MTMR3: variants seen among roughly 807,000 people sequenced by gnomAD.
MTMR3 encodes the protein myotubularin related protein 3.
In MTMR3, 32 loss-of-function variants were observed where a neutral mutation model predicts 132.4. The observed-to-expected ratio is 0.24, with a 90% CI of 0.18 to 0.32. MTMR3 has a LOEUF of 0.32. Ranked by LOEUF, MTMR3 falls within the 10% of genes least tolerant of loss-of-function variation. MTMR3 has a pLI of 1.00. For missense variants in MTMR3, 1,216 were observed against 1,489.6 expected (o/e 0.82, Z 3.02); for synonymous variants, 556 against 550.3 (o/e 1.01, Z -0.14).
At chr22:29,890,190 G>A (rs2064768443) in intron 1 of MTMR3, among the ~76,000 whole-genome samples, 1 of 151,836 alleles carries the variant, frequency 6.6e-6, no homozygotes, top group South Asian at 2.1e-4. Flanking sequence ...ACAGGCCTGA[G>A]CCACTGCACC....
In MTMR3 at chr22:30,022,600, G is replaced by A; in HGVS notation, c.3337-9G>A. On this transcript the variant is annotated splice_polypyrimidine_tract_variant and intron_variant, in intron 18 of 19. Transcript: ENST00000401950. Reference sequence around the variant, plus strand: ...TCCTGTCAGTAACCTGGTCCCATCTGTTTTGCAGATGACCCGTTGGCTTCC... The same window carrying A: ...TCCTGTCAGTAACCTGGTCCCATCTATTTTGCAGATGACCCGTTGGCTTCC... 6.2e-7 allele frequency: 1 copy of A among 1,612,298 alleles called. No individual in the cohort carries two copies.
At position 29,892,354 on chromosome 22, in the gene MTMR3, A is replaced by G. The variant is rs75074959; in HGVS notation, c.-138+8995A>G. Among the ~76,000 whole-genome samples, 681 of 152,258 alleles carry G rather than the reference A, an allele frequency of 4.5e-3. 6 individuals carry two copies. The highest frequency in any genetic ancestry group is 0.015 in the African/African-American group (643 of 41,524). ...TATTTTGTAGAACATATTTTAAAAAATTATGTTTTTTGGAAAGCCGTTTGG... is the reference window on the plus strand; with the variant it reads ...TATTTTGTAGAACATATTTTAAAAAGTTATGTTTTTTGGAAAGCCGTTTGG... On this transcript the variant is annotated intron_variant, in intron 1 of 19. Coordinates refer to ENST00000401950, the MANE Select transcript of MTMR3 (RefSeq NM_021090.4).
rs779221887 is a variant in MTMR3, at chr22:29,978,926, C to G, written c.94-10C>G. ...CTTCAGAACTCTGAAGGGTTTCTTTCATTTCGAAGGTTCCTTTCCTTGAAC... is the reference window on the plus strand; with the variant it reads ...CTTCAGAACTCTGAAGGGTTTCTTTGATTTCGAAGGTTCCTTTCCTTGAAC... On this transcript the variant is annotated splice_polypyrimidine_tract_variant and intron_variant, in intron 4 of 19. Coordinates refer to ENST00000401950, the MANE Select transcript of MTMR3 (RefSeq NM_021090.4). The G allele has an allele frequency of 1.0e-5, 16 of 1,586,926 alleles. No individual in the cohort carries two copies. Among genetic ancestry groups the G allele is most frequent in the Middle Eastern group, 1.7e-4 (1 of 6,018 alleles).
In MTMR3 at chr22:29,940,677, C is replaced by T. The variant is rs532393339; in HGVS notation, c.-137-16359C>T. Among the ~76,000 whole-genome samples the T allele has an allele frequency of 3.6e-4, 54 of 150,320 alleles. 3 individuals carry two copies. The highest frequency in any genetic ancestry group is 2.9e-3 in the South Asian group (14 of 4,784). On this transcript the variant is annotated intron_variant, in intron 1 of 19. Coordinates refer to ENST00000401950, the MANE Select transcript of MTMR3 (RefSeq NM_021090.4). ...AAAATTGTTGCTTATTGCCAATAGA[C>T]TAGCAAGTGGTTGAACAGTTTCCTT... is the stretch of plus-strand genomic sequence containing the variant.
At chr22:30,007,539 C>A (rs1167488779) in intron 10 of MTMR3, 3 of 602,662 alleles carry the variant, frequency 5.0e-6, no homozygotes, top group African/African-American at 1.9e-5. Flanking sequence ...TGTTGTCTTT[C>A]TTGCCATTGT....
chr22:29,906,821 G>A (rs1293029118), intron 1 of MTMR3, among the ~76,000 whole-genome samples: 1 of 151,946 alleles, frequency 6.6e-6, no homozygotes, highest in Non-Finnish European at 1.5e-5. Flanking sequence ...GCTCATGCCT[G>A]TATCCCAGCA....
At chr22:29,924,966 T>C (rs1223914869) in intron 1 of MTMR3, among the ~76,000 whole-genome samples, 9 of 152,228 alleles carry the variant, frequency 5.9e-5, no homozygotes, top group Non-Finnish European at 1.3e-4. Flanking sequence ...ATAATAGATA[T>C]AATTGTCTAA....
At chr22:29,986,450 T>A in intron 5 of MTMR3, 1 of 520,160 alleles carries the variant, frequency 1.9e-6, no homozygotes, top group Non-Finnish European at 2.5e-6. Flanking sequence ...GTCTTCTTAA[T>A]CTCAATATTT....
At chr22:29,973,230 C>T (rs924175089) in intron 3 of MTMR3, among the ~76,000 whole-genome samples, 8 of 152,126 alleles carry the variant, frequency 5.3e-5, no homozygotes, top group Non-Finnish European at 1.0e-4. Context: ...GGTTCTTAAA[C>T]GAGATTGGAG....
chr22:29,979,246 A>G (rs1043702795), intron 5 of MTMR3, 194 bp downstream of exon 5: 6 of 412,184 alleles, frequency 1.5e-5, no homozygotes, highest in Middle Eastern at 7.4e-4. Context: ...TAATCCCAGC[A>G]CTTTGGGAGG....
intron 5 of MTMR3, chr22:29,984,862 G>C (rs1197568322): frequency 6.6e-6 from 1 of 152,144 alleles, no homozygotes; most frequent in Non-Finnish European, 1.5e-5. Context: ...TCATATGGAA[G>C]AGAAGCCCAC....
intron 1 of MTMR3, among the ~76,000 whole-genome samples, chr22:29,928,703 C>T (rs776471539): frequency 6.6e-5 from 10 of 152,032 alleles, no homozygotes; most frequent in East Asian, 3.9e-4. Flanking sequence ...AAAATAGAGA[C>T]GAAGTCTCGG....
chr22:29,902,866 G>T (rs1280551541), intron 1 of MTMR3, among the ~76,000 whole-genome samples: 1 of 152,138 alleles, frequency 6.6e-6, no homozygotes, highest in African/African-American at 2.4e-5. Context: ...TTCCTATGTA[G>T]TGAGCTTTCT....
intron 1 of MTMR3, among the ~76,000 whole-genome samples, chr22:29,923,256 T>G (rs1019717770): frequency 6.6e-6 from 1 of 151,504 alleles, no homozygotes; most frequent in East Asian, 1.9e-4. Context: ...TTTTTTTTAG[T>G]GGAGACGGGG....
intron 1 of MTMR3, among the ~76,000 whole-genome samples, chr22:29,902,433 A>G (rs1221271291): frequency 3.1e-5 from 4 of 130,626 alleles, no homozygotes; most frequent in Non-Finnish European, 3.1e-5. Context: ...TTTGAGACGG[A>G]GTCTCGCTCT....
At chr22:29,930,724 G>C (rs761644386) in intron 1 of MTMR3, among the ~76,000 whole-genome samples, 7 of 151,018 alleles carry the variant, frequency 4.6e-5, no homozygotes, top group Non-Finnish European at 5.9e-5. Context: ...TTTTTGACTG[G>C]GTACAGTGGC....
At chr22:29,915,833 C>T (rs756072318) in intron 1 of MTMR3, among the ~76,000 whole-genome samples, 5 of 151,976 alleles carry the variant, frequency 3.3e-5, no homozygotes, top group South Asian at 2.1e-4. Context: ...CTATTCATCC[C>T]GTCTATTCTT....
rs545776506 is a variant in MTMR3, at chr22:29,955,086, C to G, written c.-137-1950C>G. ...CTCACTGCAGCCTTGACCTCCCGGG[C>G]CCAAGCCATCCTCCCATCTCAGCCT... is the stretch of plus-strand genomic sequence containing the variant. On this transcript the variant is annotated intron_variant, in intron 1 of 19. Coordinates refer to ENST00000401950, the MANE Select transcript of MTMR3 (RefSeq NM_021090.4). Among the ~76,000 whole-genome samples, 245 of 152,198 alleles carry G rather than the reference C, an allele frequency of 1.6e-3. 1 individual carries two copies. The highest frequency in any genetic ancestry group is 5.7e-3 in the African/African-American group (235 of 41,526).
At chr22:29,978,888 T>A in intron 4 of MTMR3, 48 bp from the exon 5 acceptor site, 1 of 1,400,166 alleles carries the variant, frequency 7.1e-7, no homozygotes. Context: ...TGAAGCTTTT[T>A]TTTTTTTAAC....
Sources: gnomAD v4.1 joint callset for allele counts (sites outside exome capture counted in the v4.1 genomes callset) on GRCh38, gnomAD v4.1.1 for gene constraint, MANE v1.5 for transcripts, NCBI Gene and HGNC (gene_info 2026-07-23, HGNC 2026-07-21) for gene names.